The following GRIN2B variants were observed in gnomAD, a reference collection of about 807,000 sequenced individuals.
GRIN2B encodes glutamate receptor ionotropic, NMDA 2B.
A neutral mutation model predicts 114.5 loss-of-function variants in GRIN2B; 5 were observed. That is an observed-to-expected ratio of 0.04 (90% CI 0.02 to 0.09). The LOEUF (loss-of-function observed/expected upper bound fraction) is 0.09, where lower values mean the gene tolerates loss of function less well. Ranked by LOEUF, GRIN2B falls within the 10% of genes least tolerant of loss-of-function variation. The probability of loss-of-function intolerance (pLI) is 1.00; values close to 1 mark genes in which losing one functional copy is unlikely to be tolerated. For synonymous variants in GRIN2B, 787 were observed against 745.1 expected (o/e 1.06, Z -0.92); for missense variants, 1,108 against 1,943.5 (o/e 0.57, Z 8.08).
chr12:13,650,402 T>A (rs1055370209), intron 5 of GRIN2B, among the ~76,000 whole-genome samples: 1 of 152,024 alleles, frequency 6.6e-6, no homozygotes, highest in African/African-American at 2.4e-5. Context: ...GTCCCCATAG[T>A]AGGGACCTTC....
intron 4 of GRIN2B, among the ~76,000 whole-genome samples, chr12:13,718,934 C>T (rs940333792): frequency 6.6e-6 from 1 of 151,986 alleles, no homozygotes; most frequent in Non-Finnish European, 1.5e-5. Context: ...ACGCTTCATG[C>T]CAAAATATAC....
intron 4 of GRIN2B, among the ~76,000 whole-genome samples, chr12:13,690,089 A>AC (rs1203538393): frequency 6.6e-6 from 1 of 152,112 alleles, no homozygotes; most frequent in Non-Finnish European, 1.5e-5. Flanking sequence ...TCCATGATAG[A>AC]CAACATACTA....
In GRIN2B at chr12:13,702,161, C is replaced by T. The variant is rs1050002279; in HGVS notation, c.1011-26302G>A. 1.7e-4 allele frequency among the ~76,000 whole-genome samples: 26 copies of T among 152,126 alleles called. 1 individual carries two copies. The highest frequency in any genetic ancestry group is 6.3e-4 in the African/African-American group (26 of 41,428). On this transcript the variant is annotated intron_variant, in intron 4 of 13. Coordinates refer to ENST00000609686, the MANE Select transcript of GRIN2B (RefSeq NM_000834.5). ...ATTATCATTCTCAGAAAGTATTTCC[C>T]ATAGGACCTTAGCTTGATTCCTTCC...
chr12:13,807,709 CTTTTTTTTTTT>C (rs71067726), intron 3 of GRIN2B, among the ~76,000 whole-genome samples: 2 of 77,388 alleles, frequency 2.6e-5, no homozygotes, highest in African/African-American at 4.8e-5. Flanking sequence ...AAGCAGAAGG[CTTTTTTTTTTT>C]TTTTTTTTTT....
intron 5 of GRIN2B, among the ~76,000 whole-genome samples, chr12:13,620,821 T>G (rs939667462): frequency 2.0e-5 from 3 of 151,982 alleles, no homozygotes; most frequent in Non-Finnish European, 2.9e-5. Flanking sequence ...GGGGTGGCAG[T>G]ATCTGATTTG....
At chr12:13,827,891 A>T (rs1591754730) in intron 3 of GRIN2B, among the ~76,000 whole-genome samples, 1 of 152,234 alleles carries the variant, frequency 6.6e-6, no homozygotes, top group African/African-American at 2.4e-5. Flanking sequence ...TATATTGGCC[A>T]GGCTGGTCTC....
intron 3 of GRIN2B, among the ~76,000 whole-genome samples, chr12:13,787,978 C>T (rs1700768821): frequency 1.3e-5 from 2 of 152,336 alleles, no homozygotes; most frequent in Non-Finnish European, 2.9e-5. Context: ...TTCTTCATAG[C>T]AGCCCCACGC....
At chr12:13,579,155 G>A (rs1024863258) in intron 10 of GRIN2B, among the ~76,000 whole-genome samples, 7 of 152,198 alleles carry the variant, frequency 4.6e-5, no homozygotes, top group African/African-American at 1.7e-4. Flanking sequence ...AAGGTGGTGA[G>A]AAAGATTGGG....
intron 3 of GRIN2B, among the ~76,000 whole-genome samples, chr12:13,833,509 G>A (rs984848653): frequency 6.6e-6 from 1 of 152,146 alleles, no homozygotes; most frequent in South Asian, 2.1e-4. Context: ...ATTCAGGTGT[G>A]TTCTCATTAG....
intron 3 of GRIN2B, among the ~76,000 whole-genome samples, chr12:13,781,220 C>T (rs954667320): frequency 2.0e-5 from 3 of 152,076 alleles, no homozygotes; most frequent in South Asian, 2.1e-4. Context: ...TGTCAGTTGG[C>T]AAGAATCAAA....
rs1948279425 is a variant in GRIN2B at position 13,541,500 on chromosome 12, T to A, written c.*21283A>T. 1 of 152,198 alleles carries A rather than the reference T, an allele frequency of 6.6e-6. No individual in the cohort carries two copies. Among genetic ancestry groups the A allele is most frequent in the Non-Finnish European group, 1.5e-5 (1 of 68,072 alleles). The allele number at this position is 152,198 out of a possible 1,614,324, so 9.4% of individuals were successfully genotyped here. On this transcript the variant is annotated 3_prime_UTR_variant, in exon 14 of 14. Coordinates refer to ENST00000609686, the MANE Select transcript of GRIN2B (RefSeq NM_000834.5). ...GCAAAGAGAGGTCATGACAAAACCA[T>A]CCCTGGCTTCCTTTGCTTCCCTCTT... is the stretch of plus-strand genomic sequence containing the variant.
At chr12:13,743,628 T>C (rs1055813263) in intron 4 of GRIN2B, among the ~76,000 whole-genome samples, 2 of 148,062 alleles carry the variant, frequency 1.4e-5, no homozygotes, top group Admixed American at 6.8e-5. Context: ...TCAATGGGAG[T>C]GTCTGGAAAT....
At chr12:13,712,129 C>T (rs942161940) in intron 4 of GRIN2B, among the ~76,000 whole-genome samples, 4 of 149,028 alleles carry the variant, frequency 2.7e-5, no homozygotes, top group Non-Finnish European at 5.9e-5. Context: ...ATCACAAGGA[C>T]GGAAAAACCA....
At chr12:13,723,108 G>A (rs1353492569) in intron 4 of GRIN2B, among the ~76,000 whole-genome samples, 1 of 151,464 alleles carries the variant, frequency 6.6e-6, no homozygotes, top group East Asian at 2.0e-4. Flanking sequence ...GACTGAAAGG[G>A]AGCCTCTGAA....
intron 3 of GRIN2B, among the ~76,000 whole-genome samples, chr12:13,821,584 A>T (rs1218337438): frequency 1.3e-5 from 2 of 152,206 alleles, no homozygotes; most frequent in Non-Finnish European, 2.9e-5. Context: ...GTGCTACATA[A>T]AAAGAGGTAG....
intron 10 of GRIN2B, among the ~76,000 whole-genome samples, chr12:13,590,202 A>C (rs772000846): frequency 5.1e-4 from 78 of 152,020 alleles, no homozygotes; most frequent in Non-Finnish European, 8.4e-4. Flanking sequence ...GAAGGCCTTA[A>C]GAAAGACCTA....
At chr12:13,598,456 C>T (rs1949105536) in intron 10 of GRIN2B, among the ~76,000 whole-genome samples, 1 of 152,188 alleles carries the variant, frequency 6.6e-6, no homozygotes, top group South Asian at 2.1e-4. Context: ...CAGTTCTCAC[C>T]AAGACCTGTC....
Position 13,553,930 on chromosome 12 carries a change from A to G in GRIN2B, c.*8853T>C, listed in dbSNP as rs1948447531. 1 of 149,482 alleles carries G rather than the reference A, an allele frequency of 6.7e-6. No individual in the cohort carries two copies. The highest frequency in any genetic ancestry group is 1.5e-5 in the Non-Finnish European group (1 of 66,496). The allele number at this position is 149,482 out of a possible 1,614,324, so 9.3% of individuals were successfully genotyped here. On this transcript the variant is annotated 3_prime_UTR_variant, in exon 14 of 14. Transcript: ENST00000609686. The stretch of plus-strand genomic sequence containing the variant: ...AAAGGACAAAGCACTTAGAAAAAGG[A>G]CAAAGCACTTAGAAAAATCCAGATT...
intron 10 of GRIN2B, among the ~76,000 whole-genome samples, chr12:13,605,980 T>A (rs1392686695): frequency 6.6e-6 from 1 of 152,082 alleles, no homozygotes; most frequent in Admixed American, 6.5e-5. Flanking sequence ...GCATAGGACA[T>A]GATACACTAC....
Sources: allele counts gnomAD v4.1 joint callset (sites outside exome capture counted in the v4.1 genomes callset), GRCh38; gene constraint gnomAD v4.1.1; transcripts MANE v1.5; gene names NCBI Gene and HGNC (gene_info 2026-07-23, HGNC 2026-07-21).